Variants in CAMK4 observed in about 807,000 individuals in gnomAD.
The protein encoded by CAMK4 is calcium/calmodulin dependent protein kinase IV.
CAMK4 carries 22 observed loss-of-function variants against 44.9 expected under a neutral mutation model. That is an observed-to-expected ratio of 0.49 (90% CI 0.35 to 0.70). The LOEUF (loss-of-function observed/expected upper bound fraction) is 0.70, where lower values mean the gene tolerates loss of function less well. Among genes scored for constraint, CAMK4 ranks in the 30% least tolerant of loss-of-function variants. CAMK4 has a pLI of 0.01. For synonymous variants in CAMK4, 218 were observed against 215.4 expected, an observed-to-expected ratio of 1.01 and a Z score of -0.11; for missense variants, 498 against 586.8, an observed-to-expected ratio of 0.85 and a Z score of 1.56.
At chr5:111,285,165 G>C (rs1040315408) in intron 1 of CAMK4, among the ~76,000 whole-genome samples, 1 of 152,070 alleles carries the variant, frequency 6.6e-6, no homozygotes, top group Non-Finnish European at 1.5e-5. Flanking sequence ...AAGTGATCAT[G>C]GTACACTAGA....
At chr5:111,469,746 A>C (rs569222206) in intron 7 of CAMK4, among the ~76,000 whole-genome samples, 12 of 152,292 alleles carry the variant, frequency 7.9e-5, no homozygotes, top group African/African-American at 2.4e-4. Context: ...TGAGAAATGC[A>C]ACAGGTCTGC....
chr5:111,238,808 CTTTTTTTTTTTTTTTT>C (rs57552178), intron 1 of CAMK4, among the ~76,000 whole-genome samples: 5 of 45,940 alleles, frequency 1.1e-4, no homozygotes, highest in South Asian at 9.3e-4. Flanking sequence ...AGAGGCTCTT[CTTTTTTTTTTTTTTTT>C]TTTTTTTTTT....
intron 1 of CAMK4, among the ~76,000 whole-genome samples, chr5:111,229,828 A>G (rs1561348414): frequency 6.6e-6 from 1 of 152,174 alleles, no homozygotes; most frequent in Admixed American, 6.5e-5. Flanking sequence ...ACTCAGGAGC[A>G]AGGTGGGATT....
chr5:111,276,100 A>G (rs891488104), intron 1 of CAMK4, among the ~76,000 whole-genome samples: 15 of 152,132 alleles, frequency 9.9e-5, no homozygotes, highest in African/African-American at 3.6e-4. Flanking sequence ...GTGAGGGCTA[A>G]TGCTTTTATT....
intron 7 of CAMK4, chr5:111,449,720 T>G (rs1050125087): frequency 6.6e-6 from 1 of 152,476 alleles, no homozygotes; most frequent in East Asian, 1.9e-4. Context: ...CACAACTACG[T>G]TGAGCTCTTC....
chr5:111,417,227 ATT>A (rs70973606), intron 5 of CAMK4, among the ~76,000 whole-genome samples: 4 of 143,626 alleles, frequency 2.8e-5, no homozygotes, highest in African/African-American at 5.1e-5. Context: ...CACCCAGCTA[ATT>A]TTTTTTTTTT....
intron 1 of CAMK4, among the ~76,000 whole-genome samples, chr5:111,280,329 G>T (rs1023867463): frequency 1.3e-5 from 2 of 152,138 alleles, no homozygotes; most frequent in Non-Finnish European, 1.5e-5. Context: ...GAAGGCACTG[G>T]ACAAACATTG....
rs1755541442 is a variant in CAMK4, at chr5:111,484,387, C to T, written c.1343C>T (p.Ala448Val). The T allele has an allele frequency of 1.3e-6, 2 of 1,589,164 alleles. No homozygotes were observed. The highest frequency in any genetic ancestry group is 8.6e-7 in the Non-Finnish European group (1 of 1,168,856). ...AAGCTGAAGACTGTGGAGGAGGCAG[C>T]AGCTCCCAGAGAAGGGCAAGGAAGC... ...EEKLKTVEEA[A>V]APREGQGSSA... Residue 448 changes from alanine to valine, a missense_variant, in exon 11 of 11, where the codon GCA becomes GTA. By Grantham distance (64) the Ala-to-Val change is moderately conservative (BLOSUM62 0). This residue lies in a region of CAMK4 where 143 missense variants were observed against 144.9 expected (regional missense o/e 0.99). Transcript: ENST00000282356. The surrounding 1 kb of genome is among the most constrained non-coding windows in gnomAD (Gnocchi z 5.3).
intron 2 of CAMK4, among the ~76,000 whole-genome samples, chr5:111,349,112 C>T (rs961388348): frequency 5.3e-5 from 8 of 151,846 alleles, no homozygotes; most frequent in African/African-American, 1.9e-4. Context: ...TCCTTTTTTT[C>T]CACTTAGTAT....
rs116941664 is a variant in CAMK4 at position 111,369,598 on chromosome 5, G to T, written c.241-5252G>T. On this transcript the variant is annotated intron_variant, in intron 2 of 10. Transcript: ENST00000282356. ...TATCTGATCTAATCGAACACAGCTT[G>T]ATTCTCACAAAGTTTTGCATTCAAT... is the stretch of plus-strand genomic sequence containing the variant. 8.9e-4 allele frequency among the ~76,000 whole-genome samples: 135 copies of T among 152,158 alleles called. 1 individual carries two copies. In the East Asian group the frequency reaches 0.016, roughly 18 times the overall value.
rs1750505125 is a variant in CAMK4 at position 111,359,262 on chromosome 5, A to T, written c.240+15160A>T. 1.2e-3 allele frequency among the ~76,000 whole-genome samples: 4 copies of T among 3,270 alleles called. 2 individuals are homozygous for T. The highest frequency in any genetic ancestry group is 2.4e-3 in the Non-Finnish European group (2 of 834). 2.1% of individuals were successfully genotyped at this position (3,270 alleles called of 152,430 possible). ...TTTTTGACTAATAGTAACCATTGTG[A>T]CTGGTGTGAGATGGTATTTGATTGT... On this transcript the variant is annotated intron_variant, in intron 2 of 10. Transcript: ENST00000282356.
At chr5:111,480,289 C>CACACAT in intron 9 of CAMK4, among the ~76,000 whole-genome samples, 1 of 148,130 alleles carries the variant, frequency 6.8e-6, no homozygotes, top group African/African-American at 2.5e-5. Flanking sequence ...CACACACACA[C>CACACAT]CCCTGGGTAA....
intron 5 of CAMK4, among the ~76,000 whole-genome samples, chr5:111,395,015 C>G (rs189631990): frequency 6.6e-6 from 1 of 151,890 alleles, no homozygotes; most frequent in Non-Finnish European, 1.5e-5. Context: ...TCCAGACCAG[C>G]CTTGCCAACA....
At chr5:111,267,951 G>A (rs79291530) in intron 1 of CAMK4, among the ~76,000 whole-genome samples, 195 of 152,288 alleles carry the variant, frequency 1.3e-3, no homozygotes, top group African/African-American at 4.6e-3. Context: ...GTACTGATTA[G>A]TTGAAGTGAT....
rs117317752 is a variant in CAMK4, at chr5:111,389,470, T to C, written c.387-5240T>C. On this transcript the variant is annotated intron_variant, in intron 4 of 10. Transcript: ENST00000282356. ...CCAAAATATAGAGAGGAGATTGTAG[T>C]GGGTGAAGCACCTACTTTATGAAGA... 1.8e-3 allele frequency among the ~76,000 whole-genome samples: 281 copies of C among 152,314 alleles called. 7 individuals are homozygous for C. The East Asian group carries it at 0.051, about 28-fold the overall frequency.
chr5:111,354,947 T>C (rs938563551), intron 2 of CAMK4, among the ~76,000 whole-genome samples: 5 of 152,116 alleles, frequency 3.3e-5, no homozygotes, highest in African/African-American at 1.2e-4. Flanking sequence ...ATTTTCTAAT[T>C]GCTATGATGT....
chr5:111,254,051 T>A (rs556843910), intron 1 of CAMK4, among the ~76,000 whole-genome samples: 1 of 152,346 alleles, frequency 6.6e-6, no homozygotes, highest in African/African-American at 2.4e-5. Flanking sequence ...AAGATCTGAA[T>A]ATTGAATCTG....
intron 1 of CAMK4, among the ~76,000 whole-genome samples, chr5:111,314,775 A>G (rs1748351259): frequency 6.6e-6 from 1 of 152,106 alleles, no homozygotes; most frequent in Non-Finnish European, 1.5e-5. Context: ...AATGACAATC[A>G]ATTACAAATG....
chr5:111,467,934 T>TCTCACA (rs139078264), intron 7 of CAMK4, among the ~76,000 whole-genome samples: 1 of 143,350 alleles, frequency 7.0e-6, no homozygotes, highest in South Asian at 2.3e-4. Context: ...AAAGAAATTG[T>TCTCACA]CACACACACA....
Sources: gnomAD v4.1 joint callset for allele counts (sites outside exome capture counted in the v4.1 genomes callset) on GRCh38, gnomAD v4.1.1 for gene constraint, gnomAD v4.1.1 regional missense constraint, Gnocchi (gnomAD v3.1) non-coding constraint, MANE v1.5 for transcripts, NCBI Gene and HGNC (gene_info 2026-07-23, HGNC 2026-07-21) for gene names.